TECR: variants seen among roughly 807,000 people sequenced by gnomAD.
The protein encoded by TECR is trans-2,3-enoyl-CoA reductase, also known as very-long-chain enoyl-CoA reductase.
Under a neutral mutation model 50.6 loss-of-function variants are expected in TECR, and 19 were observed. The ratio of observed to expected loss-of-function variants is 0.38; its 90% CI spans 0.26 to 0.55. The LOEUF is 0.55. TECR is among the 20% of genes least tolerant of loss of function. The pLI is 0.79. For synonymous variants in TECR, 168 were observed against 163.5 expected, an observed-to-expected ratio of 1.03 and a Z score of -0.21; for missense variants, 313 against 408.3, an observed-to-expected ratio of 0.77 and a Z score of 2.01.
At chr19:14,544,321 G>A (rs2073228813) in intron 1 of TECR, among the ~76,000 whole-genome samples, 1 of 152,086 alleles carries the variant, frequency 6.6e-6, no homozygotes, top group Non-Finnish European at 1.5e-5. Context: ...TGTAACCCCT[G>A]GCCCTGGGGA....
At chr19:14,533,951 A>G (rs1327312223) in intron 1 of TECR, 1 of 152,066 alleles carries the variant, frequency 6.6e-6, no homozygotes, top group African/African-American at 2.4e-5. Context: ...CAAAGCAATG[A>G]GCCCAGCAGC....
intron 1 of TECR, among the ~76,000 whole-genome samples, chr19:14,548,787 C>T (rs1233413202): frequency 6.6e-6 from 1 of 151,978 alleles, no homozygotes; most frequent in Non-Finnish European, 1.5e-5. Context: ...GTTGGCCAGG[C>T]TGGTCTCAAA....
At chr19:14,559,684 G>A (rs963967749) in intron 1 of TECR, among the ~76,000 whole-genome samples, 10 of 151,990 alleles carry the variant, frequency 6.6e-5, no homozygotes, top group African/African-American at 2.4e-4. Context: ...CTACTCTGGA[G>A]GCTGAGGCAG....
At position 14,542,362 on chromosome 19, in the gene TECR, T is replaced by G. The variant is rs1283480194; in HGVS notation, c.15+12651T>G. Among the ~76,000 whole-genome samples the G allele has an allele frequency of 1.1e-4, 14 of 129,902 alleles. 1 individual carries two copies. Among genetic ancestry groups the G allele is most frequent in the African/African-American group, 5.9e-5 (2 of 33,956 alleles). The allele number at this position is 129,902 out of a possible 152,430, so 85.2% of individuals were successfully genotyped here. On this transcript the variant is annotated intron_variant, in intron 1 of 12. Coordinates refer to ENST00000215567, the MANE Select transcript of TECR (RefSeq NM_138501.6). The stretch of plus-strand genomic sequence containing the variant: ...ATGCCATAGTGTTTTTTTTTTTTTT[T>G]TTTTTTTTTTTTTTCTGAGATGGAG...
At chr19:14,550,663 G>T (rs1195493008) in intron 1 of TECR, among the ~76,000 whole-genome samples, 1 of 152,100 alleles carries the variant, frequency 6.6e-6, no homozygotes, top group African/African-American at 2.4e-5. Context: ...TGGCCCCAGC[G>T]GCCAGGAGTG....
At chr19:14,545,555 G>T (rs1259390973) in intron 1 of TECR, among the ~76,000 whole-genome samples, 1 of 152,158 alleles carries the variant, frequency 6.6e-6, no homozygotes, top group Non-Finnish European at 1.5e-5. Flanking sequence ...TCATATCCCG[G>T]CCCTTGGATC....
At chr19:14,553,331 A>C (rs1214305331) in intron 1 of TECR, among the ~76,000 whole-genome samples, 1 of 152,148 alleles carries the variant, frequency 6.6e-6, no homozygotes, top group Non-Finnish European at 1.5e-5. Context: ...TCGTCTTGCC[A>C]GCACAGGTAG....
intron 1 of TECR, among the ~76,000 whole-genome samples, chr19:14,540,755 T>C (rs1346152955): frequency 6.6e-6 from 1 of 152,140 alleles, no homozygotes; most frequent in African/African-American, 2.4e-5. Flanking sequence ...CCTCGAACTC[T>C]TGATCTTAAG....
intron 1 of TECR, among the ~76,000 whole-genome samples, chr19:14,535,014 G>C (rs2072811740): frequency 6.6e-6 from 1 of 152,096 alleles, no homozygotes; most frequent in Non-Finnish European, 1.5e-5. Flanking sequence ...TGGACTGCTG[G>C]GAGAGGGTCT....
intron 1 of TECR, among the ~76,000 whole-genome samples, chr19:14,550,788 C>T (rs1395513428): frequency 2.0e-5 from 3 of 152,014 alleles, no homozygotes; most frequent in African/African-American, 7.2e-5. Context: ...TCATGCGATT[C>T]TCCTGTCTCA....
intron 2 of TECR, 128 bp downstream of exon 2, chr19:14,562,703 C>A: frequency 9.3e-7 from 1 of 1,078,796 alleles, no homozygotes; most frequent in South Asian, 1.3e-5. Flanking sequence ...GGTATGCCCT[C>A]ACTTGGGGTA....
intron 12 of TECR, 29 bp downstream of exon 12, chr19:14,565,692 C>G (rs1238273998): frequency 6.2e-7 from 1 of 1,611,574 alleles, no homozygotes; most frequent in Non-Finnish European, 8.5e-7. Context: ...CTCGGCGGGG[C>G]CCTGCCCCTC....
intron 1 of TECR, among the ~76,000 whole-genome samples, chr19:14,547,226 C>T (rs1022335515): frequency 1.3e-5 from 2 of 152,052 alleles, no homozygotes; most frequent in Admixed American, 6.6e-5. Flanking sequence ...TTAACAGAGT[C>T]CTGTAAATGT....
chr19:14,533,287 G>A (rs772384299), intron 1 of TECR, among the ~76,000 whole-genome samples: 4 of 151,894 alleles, frequency 2.6e-5, no homozygotes, highest in Non-Finnish European at 5.9e-5. Context: ...GGGTGTGGTG[G>A]CGCACGCCTG....
chr19:14,540,214 C>T (rs1377375260), intron 1 of TECR, among the ~76,000 whole-genome samples: 2 of 151,918 alleles, frequency 1.3e-5, no homozygotes, highest in African/African-American at 4.8e-5. Flanking sequence ...CACCCACCAC[C>T]ACGCCTGGCT....
rs188826203 is a variant in TECR, at chr19:14,559,345, C to G, written c.16-3180C>G. ...AGCAGCAGCCACTCCCCATTCCCCC[C>G]GCCCAGCCCCTGGCCCCTCCAATTT... On this transcript the variant is annotated intron_variant, in intron 1 of 12. Coordinates refer to ENST00000215567, the MANE Select transcript of TECR (RefSeq NM_138501.6). Among the ~76,000 whole-genome samples the G allele has an allele frequency of 2.0e-5, 3 of 152,274 alleles. No homozygotes were observed. In the East Asian group the frequency reaches 5.8e-4, roughly 29 times the overall value.
intron 2 of TECR, 32 bp downstream of exon 2, chr19:14,562,607 A>G: frequency 1.2e-6 from 2 of 1,613,366 alleles, no homozygotes; most frequent in Non-Finnish European, 8.5e-7. Flanking sequence ...CACTGGGCCA[A>G]GGGCACTGGG....
chr19:14,529,610 C>G lies in TECR; in HGVS notation c.-87C>G. The G allele has an allele frequency of 6.3e-7, 1 of 1,594,976 alleles. No homozygotes were observed. Among genetic ancestry groups the G allele is most frequent in the South Asian group, 1.1e-5 (1 of 90,676 alleles). ...CAGAGCCGCGTTTAGTCTATCGCTG[C>G]GGTTGCGAGCGCTGTAGGGAGCCTG... On this transcript the variant is annotated 5_prime_UTR_variant, in exon 1 of 13. Coordinates refer to ENST00000215567, the MANE Select transcript of TECR (RefSeq NM_138501.6).
Position 14,563,136 on chromosome 19 carries a change from T to G in TECR, c.67-70T>G. The G allele has an allele frequency of 6.3e-7, 1 of 1,594,232 alleles. No individual in the cohort carries two copies. The highest frequency in any genetic ancestry group is 8.6e-7 in the Non-Finnish European group (1 of 1,166,882). ...GCCCAACCCCCAGCCTGCCATCCCC[T>G]TTAGTACCTCCCCATCCTGAGTCTG... is the stretch of plus-strand genomic sequence containing the variant. On this transcript the variant is annotated intron_variant, in intron 2 of 12. Transcript: ENST00000215567. This position sits in a 1 kb window ranked among gnomAD's most constrained non-coding sequence, Gnocchi z 5.3.
Sources: allele counts gnomAD v4.1 joint callset (sites outside exome capture counted in the v4.1 genomes callset), GRCh38; gene constraint gnomAD v4.1.1; non-coding constraint Gnocchi (gnomAD v3.1); transcripts MANE v1.5; gene names NCBI Gene and HGNC (gene_info 2026-07-23, HGNC 2026-07-21).